DNAH6: variants seen among roughly 807,000 people sequenced by gnomAD.
DNAH6 encodes the protein dynein axonemal heavy chain 6.
Under a neutral mutation model 491.4 loss-of-function variants are expected in DNAH6, and 340 were observed. The observed-to-expected ratio is 0.69, with a 90% CI of 0.63 to 0.76. The LOEUF is 0.76. Ranked by LOEUF, DNAH6 falls within the 30% of genes least tolerant of loss-of-function variation. The pLI is 0.00. For missense variants in DNAH6, 4,443 were observed against 4,972.2 expected (o/e 0.89, Z 3.20); for synonymous variants, 1,603 against 1,686.1 (o/e 0.95, Z 1.21).
intron 18 of DNAH6, among the ~76,000 whole-genome samples, chr2:84,601,351 C>T (rs1200100169): frequency 6.6e-6 from 1 of 151,940 alleles, no homozygotes; most frequent in South Asian, 2.1e-4. Context: ...TATGATGATA[C>T]TGCCACCTCA....
the DNAH6 span, among the ~76,000 whole-genome samples, chr2:84,471,536 T>G: frequency 6.6e-6 from 1 of 152,214 alleles, no homozygotes; most frequent in African/African-American, 2.4e-5. Context: ...AGAGAGGAGC[T>G]CAGTCAGAAA....
At chr2:84,670,590 G>T in intron 39 of DNAH6, 115 bp downstream of exon 39, 1 of 790,408 alleles carries the variant, frequency 1.3e-6, no homozygotes, top group Non-Finnish European at 2.0e-6. Context: ...TAATTTACTT[G>T]TAAAGGTGAT....
rs1006817566 is a variant in DNAH6, at chr2:84,812,456, C to G, written c.11855C>G (p.Thr3952Arg). The G allele has an allele frequency of 1.5e-5, 23 of 1,551,614 alleles. No individual in the cohort carries two copies. The South Asian group carries it at 2.5e-4, about 17-fold the overall frequency. ...CAGGTTCCCGCTCTGTGGTCCAACA[C>G]AGCCTACCCATCCCTGAAGCCACTA... ...NNQVPALWSNTAYPSLKPLGS... is the reference protein window; with the variant it reads ...NNQVPALWSNRAYPSLKPLGS... The change falls in exon 73 of 77, where the codon ACA becomes AGA. Residue 3952 changes from threonine (T) to arginine (R), a missense_variant. Coordinates refer to ENST00000389394, the MANE Select transcript of DNAH6 (RefSeq NM_001370.2).
At chr2:84,524,795 GTTC>G (rs1345659959) in intron 2 of DNAH6, among the ~76,000 whole-genome samples, 2 of 151,876 alleles carry the variant, frequency 1.3e-5, no homozygotes, top group African/African-American at 4.8e-5. Context: ...TTTTCTTCTT[GTTC>G]TCAACTTGTG....
intron 64 of DNAH6, among the ~76,000 whole-genome samples, chr2:84,780,134 A>G (rs1423528988): frequency 2.0e-5 from 3 of 152,022 alleles, no homozygotes; most frequent in African/African-American, 7.2e-5. Context: ...CATCTTATAT[A>G]GTATCTCCCA....
intron 3 of DNAH6, among the ~76,000 whole-genome samples, chr2:84,526,856 A>C (rs555078210): frequency 1.3e-5 from 2 of 152,322 alleles, no homozygotes; most frequent in South Asian, 4.1e-4. Flanking sequence ...TTCATTTGGC[A>C]TAAAGAGGGC....
chr2:84,506,461 T>G, the DNAH6 span, among the ~76,000 whole-genome samples: 48 of 152,240 alleles, frequency 3.2e-4, no homozygotes, highest in African/African-American at 8.9e-4. Context: ...GTAGATTCTG[T>G]ATATTAGCCC....
At chr2:84,695,278 T>C (rs947588662) in intron 46 of DNAH6, among the ~76,000 whole-genome samples, 1 of 152,108 alleles carries the variant, frequency 6.6e-6, no homozygotes, top group African/African-American at 2.4e-5. Context: ...AACCTCACCA[T>C]TAATGAAGGA....
chr2:84,800,893 T>A (rs1192390), intron 70 of DNAH6, among the ~76,000 whole-genome samples: 37,552 of 151,404 alleles, frequency 0.25, 5,220 homozygotes, highest in African/African-American at 0.4. Context: ...TGGCACATAT[T>A]CACCATGGAA....
At chr2:84,686,675 G>C (rs547651622) in intron 44 of DNAH6, 118 bp downstream of exon 44, 1 of 624,110 alleles carries the variant, frequency 1.6e-6, no homozygotes, top group South Asian at 2.4e-5. Context: ...ATCTAGGCCA[G>C]ATGTCAGCAA....
At chr2:84,605,384 C>G in intron 19 of DNAH6, 116 bp from the exon 20 acceptor site, 5 of 651,472 alleles carry the variant, frequency 7.7e-6, no homozygotes, top group Non-Finnish European at 1.3e-5. Context: ...TTTTAGAGAG[C>G]AATAAGGAGG....
intron 39 of DNAH6, among the ~76,000 whole-genome samples, chr2:84,671,058 G>C (rs1176155743): frequency 6.6e-6 from 1 of 152,148 alleles, no homozygotes; most frequent in Non-Finnish European, 1.5e-5. Flanking sequence ...GGGAGGTGAA[G>C]GGGTCATGGG....
intron 76 of DNAH6, 119 bp downstream of exon 76, chr2:84,816,202 T>A: frequency 2.8e-6 from 2 of 704,168 alleles, no homozygotes; most frequent in Non-Finnish European, 4.7e-6. Flanking sequence ...AGACTTAAAA[T>A]GAAGCCACCT....
chr2:84,697,804 G>T (rs747608869), intron 47 of DNAH6, 77 bp downstream of exon 47: 5 of 1,449,640 alleles, frequency 3.4e-6, no homozygotes, highest in Non-Finnish European at 4.7e-6. Context: ...TTCATTGATT[G>T]CCTGAAGGGG....
chr2:84,535,742 G>A (rs184110772), intron 4 of DNAH6, among the ~76,000 whole-genome samples: 2 of 150,784 alleles, frequency 1.3e-5, no homozygotes, highest in African/African-American at 4.9e-5. Context: ...TGATATAGAT[G>A]ATCATAATCC....
chr2:84,548,184 A>T, intron 7 of DNAH6, 104 bp from the exon 8 acceptor site: 1 of 1,293,210 alleles, frequency 7.7e-7, no homozygotes, highest in African/African-American at 1.5e-5. Flanking sequence ...GTACCAAAAT[A>T]TTTTGTTGTT....
At chr2:84,464,470 G>A in the DNAH6 span, among the ~76,000 whole-genome samples, 1 of 152,296 alleles carries the variant, frequency 6.6e-6, no homozygotes, top group Non-Finnish European at 1.5e-5. Flanking sequence ...ATGCAAGAAA[G>A]AATTCAGGGC....
At chr2:84,753,937 G>A (rs1297795554) in intron 63 of DNAH6, among the ~76,000 whole-genome samples, 1 of 149,850 alleles carries the variant, frequency 6.7e-6, no homozygotes, top group Non-Finnish European at 1.5e-5. Context: ...TGATTCTCCT[G>A]CCTCAGCCTC....
At chr2:84,764,664 CT>C (rs572509763) in intron 64 of DNAH6, among the ~76,000 whole-genome samples, 1 of 152,108 alleles carries the variant, frequency 6.6e-6, no homozygotes, top group East Asian at 1.9e-4. Context: ...ATAATTTCAA[CT>C]TTTAGACTTC....
Sources: gnomAD v4.1 joint callset for allele counts (sites outside exome capture counted in the v4.1 genomes callset) on GRCh38, gnomAD v4.1.1 for gene constraint, MANE v1.5 for transcripts, NCBI Gene and HGNC (gene_info 2026-07-23, HGNC 2026-07-21) for gene names.